GPC6: variants seen among roughly 807,000 people sequenced by gnomAD.
GPC6 encodes glypican-6.
A neutral mutation model predicts 55.2 loss-of-function variants in GPC6; 14 were observed. The ratio of observed to expected loss-of-function variants is 0.25; its 90% CI spans 0.17 to 0.40. The LOEUF is 0.40. GPC6 is among the 10% of genes least tolerant of loss of function. The pLI, the probability that GPC6 is intolerant of heterozygous loss-of-function variation, is 1.00. For missense variants in GPC6, 641 were observed against 708.5 expected (o/e 0.90, Z 1.08); for synonymous variants, 278 against 259.6 (o/e 1.07, Z -0.68).
chr13:94,283,353 G>A lies in GPC6; in HGVS notation c.878-2996G>A, dbSNP rs1034933987. On this transcript the variant is annotated intron_variant, in intron 4 of 8. Transcript: ENST00000377047. ...GCATAGATTAAGAAAATAGGACTTT[G>A]TGAACTACATGACTTATACATTAAC... Among the ~76,000 whole-genome samples the A allele has an allele frequency of 1.6e-4, 24 of 152,222 alleles. 1 individual carries two copies. Among genetic ancestry groups the A allele is most frequent in the African/African-American group, 5.5e-4 (23 of 41,464 alleles).
intron 1 of GPC6, among the ~76,000 whole-genome samples, chr13:93,470,949 T>A (rs978113746): frequency 2.6e-5 from 4 of 152,182 alleles, no homozygotes; most frequent in African/African-American, 9.7e-5. Context: ...TGCTTTATTA[T>A]CCATTTAATG....
At chr13:93,540,763 G>A (rs544307307) in intron 1 of GPC6, among the ~76,000 whole-genome samples, 30 of 152,208 alleles carry the variant, frequency 2.0e-4, no homozygotes, top group African/African-American at 7.2e-4. Context: ...CTACAGTGGT[G>A]TAGAACACTA....
At chr13:93,240,521 A>G (rs1876393909) in intron 1 of GPC6, among the ~76,000 whole-genome samples, 1 of 152,044 alleles carries the variant, frequency 6.6e-6, no homozygotes, top group Admixed American at 6.6e-5. Flanking sequence ...CCTTGAGTCT[A>G]TAAGAATCTT....
chr13:93,943,835 C>T (rs192771836), intron 3 of GPC6, among the ~76,000 whole-genome samples: 4 of 152,300 alleles, frequency 2.6e-5, no homozygotes, highest in Admixed American at 2.6e-4. Flanking sequence ...TGAGGACAAG[C>T]TGGGAAGGAG....
chr13:94,140,980 A>T (rs1405859300), intron 4 of GPC6, among the ~76,000 whole-genome samples: 1 of 152,098 alleles, frequency 6.6e-6, no homozygotes, highest in African/African-American at 2.4e-5. Flanking sequence ...CAGGAAAAAT[A>T]AGCAAACAAA....
At chr13:93,807,923 G>A (rs1354872000) in intron 2 of GPC6, among the ~76,000 whole-genome samples, 1 of 151,994 alleles carries the variant, frequency 6.6e-6, no homozygotes, top group Non-Finnish European at 1.5e-5. Context: ...CTGGGACATC[G>A]GTCACTCCCC....
chr13:93,877,915 A>G (rs2140307048), intron 3 of GPC6, among the ~76,000 whole-genome samples: 1 of 152,198 alleles, frequency 6.6e-6, no homozygotes, highest in Admixed American at 6.6e-5. Flanking sequence ...GAACTGTGAT[A>G]GCATTAACAA....
At chr13:93,552,488 C>T (rs375001043) in intron 2 of GPC6, among the ~76,000 whole-genome samples, 6 of 151,710 alleles carry the variant, frequency 4.0e-5, no homozygotes, top group Non-Finnish European at 7.4e-5. Flanking sequence ...CTGTCTCTCT[C>T]TCTCTCTCTC....
chr13:93,435,250 G>A (rs1274660142), intron 1 of GPC6, among the ~76,000 whole-genome samples: 3 of 152,012 alleles, frequency 2.0e-5, no homozygotes, highest in Admixed American at 2.0e-4. Context: ...GAGTAGCTGG[G>A]ACTACAGGCA....
At chr13:93,775,761 T>C (rs555293924) in intron 2 of GPC6, among the ~76,000 whole-genome samples, 1 of 152,270 alleles carries the variant, frequency 6.6e-6, no homozygotes, top group Admixed American at 6.5e-5. Flanking sequence ...TTTGCCTTAA[T>C]TGAAAGGTTC....
chr13:94,034,067 CCT>C (rs1446030006), intron 4 of GPC6, among the ~76,000 whole-genome samples: 1 of 152,040 alleles, frequency 6.6e-6, no homozygotes, highest in Non-Finnish European at 1.5e-5. Context: ...ACCATCCAAC[CCT>C]CTGTCTTTCT....
intron 4 of GPC6, among the ~76,000 whole-genome samples, chr13:94,184,478 AG>A (rs1419537621): frequency 2.0e-5 from 3 of 152,306 alleles, no homozygotes; most frequent in African/African-American, 7.2e-5. Flanking sequence ...AAATGGACAA[AG>A]GACATAACAG....
At chr13:93,419,499 T>C (rs12865516) in intron 1 of GPC6, among the ~76,000 whole-genome samples, 7,962 of 152,234 alleles carry the variant, frequency 0.052, 310 homozygotes, top group Non-Finnish European at 0.078. Context: ...TATTTCCTTA[T>C]CCACTTTGCT....
intron 4 of GPC6, among the ~76,000 whole-genome samples, chr13:94,274,289 A>G (rs1892134208): frequency 6.6e-6 from 1 of 152,144 alleles, no homozygotes; most frequent in Non-Finnish European, 1.5e-5. Flanking sequence ...TAGTTTGTAT[A>G]TTTGTTCTCT....
chr13:94,171,811 A>G (rs1888578108), intron 4 of GPC6, among the ~76,000 whole-genome samples: 1 of 152,118 alleles, frequency 6.6e-6, no homozygotes, highest in African/African-American at 2.4e-5. Context: ...CCTCTACTTG[A>G]TTCTTAAAAT....
intron 1 of GPC6, among the ~76,000 whole-genome samples, chr13:93,281,986 G>A (rs984741927): frequency 6.6e-6 from 1 of 152,116 alleles, no homozygotes; most frequent in Non-Finnish European, 1.5e-5. Flanking sequence ...GGTGAGGTGC[G>A]AAGGACCAAT....
intron 4 of GPC6, among the ~76,000 whole-genome samples, chr13:94,056,233 A>G (rs1450492632): frequency 6.6e-6 from 1 of 152,104 alleles, no homozygotes; most frequent in Non-Finnish European, 1.5e-5. Flanking sequence ...TTATTAATTT[A>G]GGAACAATCT....
intron 3 of GPC6, among the ~76,000 whole-genome samples, chr13:94,026,589 T>C (rs1484494620): frequency 2.6e-5 from 4 of 151,804 alleles, no homozygotes; most frequent in Non-Finnish European, 5.9e-5. Flanking sequence ...TGAATAAGAG[T>C]AGTTTTCTGT....
chr13:94,405,132 C>T lies in GPC6; in HGVS notation c.*1915C>T, dbSNP rs1881316973. On this transcript the variant is annotated 3_prime_UTR_variant, in exon 9 of 9. Transcript: ENST00000377047. Reference sequence around the variant, plus strand: ...CACAATAGTATTAAGTATATTTGAGCACTTTTGCAAGACAGAAAGTATTTA... The same window carrying T: ...CACAATAGTATTAAGTATATTTGAGTACTTTTGCAAGACAGAAAGTATTTA... The T allele has an allele frequency of 1.3e-5, 2 of 152,198 alleles. No individual in the cohort carries two copies. Among genetic ancestry groups the T allele is most frequent in the Admixed American group, 6.5e-5 (1 of 15,280 alleles). 9.4% of individuals were successfully genotyped at this position (152,198 alleles called of 1,614,324 possible). A position where few individuals can be genotyped will look rare whatever the true frequency, so the allele number is the denominator to read the frequency against.
Sources: allele counts gnomAD v4.1 joint callset (sites outside exome capture counted in the v4.1 genomes callset), GRCh38; gene constraint gnomAD v4.1.1; transcripts MANE v1.5; gene names NCBI Gene and HGNC (gene_info 2026-07-23, HGNC 2026-07-21).